PIK3R6: variants seen among roughly 807,000 people sequenced by gnomAD.
PIK3R6 encodes phosphoinositide-3-kinase regulatory subunit 6.
Under a neutral mutation model 84.9 loss-of-function variants are expected in PIK3R6, and 91 were observed. The ratio of observed to expected loss-of-function variants is 1.07; its 90% confidence interval spans 0.90 to 1.28. The LOEUF is 1.28. Ranked by LOEUF, PIK3R6 falls within the 50% of genes most tolerant of loss-of-function variation. The probability of loss-of-function intolerance (pLI) is 0.00; values close to 1 mark genes in which losing one functional copy is unlikely to be tolerated. For missense variants in PIK3R6, 996 were observed against 985.1 expected (o/e 1.01, Z -0.15); for synonymous variants, 416 against 411.4 (o/e 1.01, Z -0.13).
intron 6 of PIK3R6, 58 bp from the exon 7 acceptor site, chr17:8,836,674 C>T (rs2088477864): frequency 6.2e-7 from 1 of 1,613,402 alleles, no homozygotes; most frequent in Non-Finnish European, 8.5e-7. Flanking sequence ...CCATTCTCCA[C>T]CTTCCTACAG....
rs28375479 is a variant in PIK3R6 at position 8,822,560 on chromosome 17, C to T, written c.1788+27G>A. The T allele has an allele frequency of 8.1e-3, 13,057 of 1,612,796 alleles. 129 individuals are homozygous for T. The highest frequency in any genetic ancestry group is 0.041 in the African/African-American group (3,105 of 75,002). Reference sequence around the variant, plus strand: ...CCCTCCAGCTGTACCTCTTGGCTACCTACTGACCACGTCCATGCACACTGA... The same window carrying T: ...CCCTCCAGCTGTACCTCTTGGCTACTTACTGACCACGTCCATGCACACTGA... On this transcript the variant is annotated intron_variant, in intron 16 of 19. Transcript: ENST00000619866.
Position 8,844,083 on chromosome 17 carries a change from T to C in PIK3R6, c.14-4386A>G, listed in dbSNP as rs570146921. ...AAATCAGACCGGCTGGGACAAAGCT[T>C]ACCAGTGGCGGCAAAGGTCAGATGA... is the stretch of plus-strand genomic sequence containing the variant. On this transcript the variant is annotated intron_variant, in intron 2 of 19. Transcript: ENST00000619866. The surrounding 1 kb of genome is among the most constrained non-coding windows in gnomAD (Gnocchi z 4.5). Among the ~76,000 whole-genome samples the C allele has an allele frequency of 6.6e-6, 1 of 152,274 alleles. No homozygotes were observed. Among genetic ancestry groups the C allele is most frequent in the Non-Finnish European group, 1.5e-5 (1 of 68,028 alleles).
intron 1 of PIK3R6, among the ~76,000 whole-genome samples, chr17:8,856,354 C>T (rs1462447511): frequency 6.6e-6 from 1 of 152,202 alleles, no homozygotes; most frequent in Non-Finnish European, 1.5e-5. Context: ...ATAATCCCAA[C>T]ACTTTGGGAT....
intron 18 of PIK3R6, among the ~76,000 whole-genome samples, chr17:8,817,659 A>G (rs1176967839): frequency 6.6e-6 from 1 of 150,644 alleles, no homozygotes; most frequent in South Asian, 2.1e-4. Flanking sequence ...ACAAAACAAA[A>G]CAAAAAAAAC....
intron 1 of PIK3R6, among the ~76,000 whole-genome samples, chr17:8,865,046 CAAA>C: frequency 6.6e-6 from 1 of 152,088 alleles, no homozygotes; most frequent in Admixed American, 6.5e-5. Context: ...ATGGACACGG[CAAA>C]AAGAAGCAAA....
At chr17:8,852,233 A>G (rs1333793158) in intron 1 of PIK3R6, among the ~76,000 whole-genome samples, 1 of 152,222 alleles carries the variant, frequency 6.6e-6, no homozygotes, top group Non-Finnish European at 1.5e-5. Flanking sequence ...TTGTGAATGT[A>G]CTTAATGCCA....
chr17:8,848,435 A>C (rs904926257), intron 2 of PIK3R6, among the ~76,000 whole-genome samples: 1 of 151,512 alleles, frequency 6.6e-6, no homozygotes, highest in Non-Finnish European at 1.5e-5. Flanking sequence ...TCATTGTATG[A>C]ATATCACAGA....
At position 8,829,693 on chromosome 17, in the gene PIK3R6, C is replaced by A; in HGVS notation, c.889+13G>T. The A allele has an allele frequency of 6.4e-7, 1 of 1,550,428 alleles. No homozygotes were observed. The highest frequency in any genetic ancestry group is 1.2e-5 in the South Asian group (1 of 83,988). Reference sequence around the variant, plus strand: ...ATATACCACTGTTTCCAGACAGCTCCATGGGCACGTACAGAGCTGCTCCTC... The same window carrying A: ...ATATACCACTGTTTCCAGACAGCTCAATGGGCACGTACAGAGCTGCTCCTC... On this transcript the variant is annotated intron_variant, in intron 10 of 19. Transcript: ENST00000619866.
intron 9 of PIK3R6, among the ~76,000 whole-genome samples, 161 bp from the exon 10 acceptor site, chr17:8,829,953 C>A (rs2088176774): frequency 6.6e-6 from 1 of 152,228 alleles, no homozygotes; most frequent in Non-Finnish European, 1.5e-5. Context: ...ACCAGCCCAT[C>A]CAGGGCCCAA....
At position 8,835,401 on chromosome 17, in the gene PIK3R6, G is replaced by A. The variant is rs554062426; in HGVS notation, c.517C>T (p.Leu173=). 2 of 1,611,342 alleles carry A rather than the reference G, an allele frequency of 1.2e-6. No individual in the cohort carries two copies. The highest frequency in any genetic ancestry group is 1.3e-5 in the African/African-American group (1 of 75,016). Reference sequence around the variant, plus strand: ...GCCTGGGCCGCCTCGATCTCCAGTAGCAGAGCACTGCACACAGACGCAGAC... The same window carrying A: ...GCCTGGGCCGCCTCGATCTCCAGTAACAGAGCACTGCACACAGACGCAGAC... ...LVSASVCSAL[L]LEIEAAQAQQ... Residue 173 remains leucine (L), a synonymous_variant, in exon 8 of 20, where the codon CTA becomes TTA. Coordinates refer to ENST00000619866, the MANE Select transcript of PIK3R6 (RefSeq NM_001010855.4).
In PIK3R6 at chr17:8,818,201, G is replaced by A. The variant is rs115107688; in HGVS notation, c.1995+882C>T. On this transcript the variant is annotated intron_variant, in intron 18 of 19. Transcript: ENST00000619866. ...CTAAGCAGGTGGCTTGACCTAAATCGGTGCGTAAGCCTGCTGGGTGGTGCA... is the reference window on the plus strand; with the variant it reads ...CTAAGCAGGTGGCTTGACCTAAATCAGTGCGTAAGCCTGCTGGGTGGTGCA... Among the ~76,000 whole-genome samples the A allele has an allele frequency of 4.8e-3, 732 of 152,282 alleles. 11 individuals carry two copies. Among genetic ancestry groups the A allele is most frequent in the African/African-American group, 0.016 (684 of 41,552 alleles).
chr17:8,843,469 G>A (rs751014883), intron 2 of PIK3R6, among the ~76,000 whole-genome samples: 1 of 152,116 alleles, frequency 6.6e-6, no homozygotes, highest in Non-Finnish European at 1.5e-5. Flanking sequence ...GCTTTGCAAG[G>A]GAAGTTGAAT....
intron 1 of PIK3R6, among the ~76,000 whole-genome samples, chr17:8,863,143 A>T (rs762425635): frequency 1.3e-5 from 2 of 152,122 alleles, no homozygotes; most frequent in African/African-American, 2.4e-5. Flanking sequence ...GGGGTTCTAG[A>T]GTTGGGGAGG....
intron 18 of PIK3R6, among the ~76,000 whole-genome samples, chr17:8,817,434 G>A (rs2087575945): frequency 6.6e-6 from 1 of 152,192 alleles, no homozygotes; most frequent in East Asian, 1.9e-4. Flanking sequence ...ATGAGGTCAG[G>A]AGTTCGAGAC....
chr17:8,852,322 A>G (rs769058599), intron 1 of PIK3R6, among the ~76,000 whole-genome samples: 19 of 152,230 alleles, frequency 1.2e-4, no homozygotes, highest in Non-Finnish European at 2.5e-4. Context: ...ACTAGACCAC[A>G]CTTACATGCA....
intron 2 of PIK3R6, among the ~76,000 whole-genome samples, chr17:8,845,075 G>GT (rs2088784799): frequency 6.6e-6 from 1 of 152,106 alleles, no homozygotes; most frequent in Non-Finnish European, 1.5e-5. Context: ...GTCTGTTGTT[G>GT]ACAGGCACCT....
chr17:8,815,388 C>T (rs9902282), intron 18 of PIK3R6, among the ~76,000 whole-genome samples: 2,435 of 152,146 alleles, frequency 0.016, 37 homozygotes, highest in African/African-American at 0.041. Flanking sequence ...CGCCTGTAGT[C>T]CCAGCTACTT....
chr17:8,849,106 A>G lies in PIK3R6; in HGVS notation c.13+676T>C, dbSNP rs554230333. ...CCAGGCTTTGAAAATCAGCCGGACT[A>G]GGCCCCACTTTCTGGCTTTGCCACT... is the stretch of plus-strand genomic sequence containing the variant. On this transcript the variant is annotated intron_variant, in intron 2 of 19. Transcript: ENST00000619866. 0.015 allele frequency among the ~76,000 whole-genome samples: 10 copies of G among 652 alleles called. No homozygotes were observed. In the East Asian group the frequency reaches 0.21, roughly 14 times the overall value. The allele number at this position is 652 out of a possible 152,430, so 0.4% of individuals were successfully genotyped here.
intron 10 of PIK3R6, among the ~76,000 whole-genome samples, 167 bp downstream of exon 10, chr17:8,829,539 T>C (rs560867142): frequency 4.3e-5 from 5 of 116,946 alleles, no homozygotes; most frequent in South Asian, 2.9e-4. Context: ...GACACACGCA[T>C]GCACACAGAC....
Sources: allele counts gnomAD v4.1 joint callset (sites outside exome capture counted in the v4.1 genomes callset), GRCh38; gene constraint gnomAD v4.1.1; non-coding constraint Gnocchi (gnomAD v3.1); transcripts MANE v1.5; gene names NCBI Gene and HGNC (gene_info 2026-07-23, HGNC 2026-07-21).